Variants in VPS13B observed in about 807,000 individuals in gnomAD.
VPS13B encodes the protein vacuolar protein sorting 13 homolog B.
Under a neutral mutation model 426.4 loss-of-function variants are expected in VPS13B, and 285 were observed. That is an observed-to-expected ratio of 0.67 (90% CI 0.61 to 0.74). VPS13B has a LOEUF of 0.74. Among genes scored for constraint, VPS13B ranks in the 30% least tolerant of loss-of-function variants. The pLI, the probability that VPS13B is intolerant of heterozygous loss-of-function variation, is 0.00. For missense variants in VPS13B, 4,537 were observed against 4,782.6 expected, an observed-to-expected ratio of 0.95 and a Z score of 1.51; for synonymous variants, 1,676 against 1,676.4, an observed-to-expected ratio of 1.00 and a Z score of 0.01.
chr8:99,074,547 G>A lies in VPS13B; in HGVS notation c.292-21765G>A, dbSNP rs193211952. On this transcript the variant is annotated intron_variant, in intron 3 of 61. Transcript: ENST00000357162. ...ATTCTACCTGATTATAGTATATTAT[G>A]ATGCTTATTTGTTGTTGGGTTCAGT... 5.1e-3 allele frequency among the ~76,000 whole-genome samples: 778 copies of A among 151,842 alleles called. 4 individuals are homozygous for A. The highest frequency in any genetic ancestry group is 0.017 in the African/African-American group (718 of 41,420).
At position 99,147,111 on chromosome 8, in the gene VPS13B, C is replaced by CTTAT. The variant is rs1164510937; in HGVS notation, c.1844-714_1844-711dup. On this transcript the variant is annotated intron_variant, in intron 13 of 61. Coordinates refer to ENST00000357162, the MANE Select transcript of VPS13B (RefSeq NM_152564.5). ...AAGACTATAAAGGAAGGTATGTAGT[C>CTTAT]TTATTTATTTATTTATTTAAGATGT... Among the ~76,000 whole-genome samples, 38 of 151,510 alleles carry CTTAT rather than the reference C, an allele frequency of 2.5e-4. No homozygotes were observed. The East Asian group carries it at 3.7e-3, about 15-fold the overall frequency.
intron 39 of VPS13B, among the ~76,000 whole-genome samples, chr8:99,744,114 C>A (rs1809932946): frequency 6.6e-6 from 1 of 152,114 alleles, no homozygotes; most frequent in Non-Finnish European, 1.5e-5. Flanking sequence ...ACAAAGAACT[C>A]AGACAAATTT....
At chr8:99,687,915 G>A (rs753878166) in intron 35 of VPS13B, among the ~76,000 whole-genome samples, 2 of 151,888 alleles carry the variant, frequency 1.3e-5, no homozygotes, top group African/African-American at 4.8e-5. Flanking sequence ...CAGCTGTCTT[G>A]CTCTGCCTCC....
chr8:99,313,859 C>A (rs961619280), intron 19 of VPS13B, among the ~76,000 whole-genome samples: 1 of 152,166 alleles, frequency 6.6e-6, no homozygotes, highest in Non-Finnish European at 1.5e-5. Flanking sequence ...ACTCATGCCT[C>A]AGCAATGGTG....
intron 17 of VPS13B, chr8:99,240,865 T>C (rs1816896523): frequency 6.6e-6 from 1 of 152,670 alleles, no homozygotes; most frequent in African/African-American, 2.4e-5. Flanking sequence ...CTGGACCTGT[T>C]GTAGGGATGA....
At chr8:99,418,528 CTCTT>C (rs1816192637) in intron 21 of VPS13B, among the ~76,000 whole-genome samples, 1 of 96,846 alleles carries the variant, frequency 1.0e-5, no homozygotes, top group Non-Finnish European at 2.1e-5. Context: ...TTCTTTCTTT[CTCTT>C]TCTTTTCTTT....
At chr8:99,027,336 A>G (rs1842193550) in intron 2 of VPS13B, among the ~76,000 whole-genome samples, 1 of 151,260 alleles carries the variant, frequency 6.6e-6, no homozygotes, top group Admixed American at 6.6e-5. Flanking sequence ...TTTTAAATAT[A>G]TATCCATTCT....
intron 29 of VPS13B, among the ~76,000 whole-genome samples, chr8:99,516,472 A>G (rs1822077465): frequency 1.3e-5 from 2 of 152,160 alleles, no homozygotes; most frequent in Admixed American, 1.3e-4. Context: ...AAGTTTGAAT[A>G]AGATGATTAT....
At chr8:99,839,894 C>T (rs569086119) in intron 54 of VPS13B, among the ~76,000 whole-genome samples, 1 of 152,354 alleles carries the variant, frequency 6.6e-6, no homozygotes, top group Admixed American at 6.5e-5. Flanking sequence ...ATTCATTCAT[C>T]TTTGTTTTGC....
At chr8:99,522,813 A>G (rs561547445) in intron 30 of VPS13B, among the ~76,000 whole-genome samples, 17 of 152,242 alleles carry the variant, frequency 1.1e-4, no homozygotes, top group Non-Finnish European at 2.2e-4. Flanking sequence ...AGGTATTCAT[A>G]TAAGAGTTTA....
At chr8:99,499,606 G>T (rs1208808342) in intron 25 of VPS13B, among the ~76,000 whole-genome samples, 1 of 152,132 alleles carries the variant, frequency 6.6e-6, no homozygotes, top group African/African-American at 2.4e-5. Context: ...TAGATGTTGT[G>T]TTGCATTAGA....
At chr8:99,303,096 C>T (rs1193587318) in intron 19 of VPS13B, among the ~76,000 whole-genome samples, 3 of 151,534 alleles carry the variant, frequency 2.0e-5, no homozygotes, top group African/African-American at 4.8e-5. Context: ...CTGGCTAACA[C>T]GGTGAAACCC....
intron 12 of VPS13B, among the ~76,000 whole-genome samples, chr8:99,139,415 A>G (rs1413460878): frequency 6.6e-6 from 1 of 151,178 alleles, no homozygotes; most frequent in Non-Finnish European, 1.5e-5. Context: ...TACATTTATA[A>G]CTATTCTGTT....
At chr8:99,852,228 T>G (rs1286478496) in intron 55 of VPS13B, among the ~76,000 whole-genome samples, 1 of 152,220 alleles carries the variant, frequency 6.6e-6, no homozygotes, top group East Asian at 1.9e-4. Flanking sequence ...ATAGACATGA[T>G]AAGCTGAGAT....
chr8:99,267,947 G>C lies in VPS13B; in HGVS notation c.2516-6251G>C, dbSNP rs375073670. 3.9e-5 allele frequency among the ~76,000 whole-genome samples: 6 copies of C among 152,206 alleles called. No homozygotes were observed. The South Asian group carries it at 8.3e-4, about 21-fold the overall frequency. On this transcript the variant is annotated intron_variant, in intron 17 of 61. Coordinates refer to ENST00000357162, the MANE Select transcript of VPS13B (RefSeq NM_152564.5). Reference sequence around the variant, plus strand: ...TTTTGTGGGCTGGGTGCAGAGTCCAGCTCCCTTGCTGTGTGCAGCCTTAGT... The same window carrying C: ...TTTTGTGGGCTGGGTGCAGAGTCCACCTCCCTTGCTGTGTGCAGCCTTAGT...
intron 19 of VPS13B, among the ~76,000 whole-genome samples, chr8:99,296,731 C>T (rs1820061233): frequency 6.6e-6 from 1 of 152,006 alleles, no homozygotes; most frequent in South Asian, 2.1e-4. Flanking sequence ...AATTAGTGAC[C>T]TTATAAAAGA....
intron 34 of VPS13B, among the ~76,000 whole-genome samples, chr8:99,654,144 G>A (rs1326325736): frequency 6.6e-6 from 1 of 152,114 alleles, no homozygotes; most frequent in Admixed American, 6.5e-5. Flanking sequence ...TGCCTCCCGG[G>A]TTCACACCAT....
chr8:99,197,728 A>C (rs1163996688), intron 17 of VPS13B, among the ~76,000 whole-genome samples: 1 of 152,124 alleles, frequency 6.6e-6, no homozygotes, highest in Non-Finnish European at 1.5e-5. Flanking sequence ...CTTGTCAAAA[A>C]ACCAAATCTT....
Position 99,838,033 on chromosome 8 carries a change from G to A in VPS13B, c.9942+2295G>A, listed in dbSNP as rs556821131. Among the ~76,000 whole-genome samples, 15 of 152,334 alleles carry A rather than the reference G, an allele frequency of 9.8e-5. 1 individual carries two copies. The highest frequency in any genetic ancestry group is 7.8e-4 in the Admixed American group (12 of 15,302). ...AGAATTTTGAAATGGATTGCATGAG[G>A]AAATATGCACATAGGAGTTGTATAC... On this transcript the variant is annotated intron_variant, in intron 54 of 61. Transcript: ENST00000357162.
Sources: gnomAD v4.1 joint callset for allele counts (sites outside exome capture counted in the v4.1 genomes callset) on GRCh38, gnomAD v4.1.1 for gene constraint, MANE v1.5 for transcripts, NCBI Gene and HGNC (gene_info 2026-07-23, HGNC 2026-07-21) for gene names.